Variants in TENM1 observed in about 807,000 individuals in gnomAD.
The protein encoded by TENM1 is teneurin transmembrane protein 1.
Under a neutral mutation model 174.8 loss-of-function variants are expected in TENM1, and 35 were observed. That is an observed-to-expected ratio of 0.20 (90% confidence interval 0.15 to 0.27). The LOEUF is 0.27. Ranked by LOEUF, TENM1 falls within the 10% of genes least tolerant of loss-of-function variation. TENM1 has a pLI of 1.00. For synonymous variants in TENM1, 781 were observed against 798.7 expected (o/e 0.98, Z 0.37); for missense variants, 1,633 against 2,130.1 (o/e 0.77, Z 4.59).
At chrX:125,010,591 G>C in the TENM1 span, among the ~76,000 whole-genome samples, 1 of 109,346 alleles carries the variant, frequency 9.1e-6, no homozygotes, top group African/African-American at 3.3e-5. Flanking sequence ...GAGACGGGCG[G>C]ATCATGAGGT....
At chrX:124,525,902 T>C (rs1295509815) in intron 16 of TENM1, among the ~76,000 whole-genome samples, 3 of 112,479 alleles carry the variant, frequency 2.7e-5, no homozygotes, top group Non-Finnish European at 5.6e-5. Context: ...ACATTTCTTC[T>C]CAAATCAGAT....
At chrX:125,093,062 G>C in the TENM1 span, among the ~76,000 whole-genome samples, 85 of 111,938 alleles carry the variant, frequency 7.6e-4, no homozygotes, top group Non-Finnish European at 1.4e-3. Flanking sequence ...AGTGTATTCT[G>C]TATGGAATGG....
chrX:125,030,168 G>A, the TENM1 span, among the ~76,000 whole-genome samples: 1 of 112,023 alleles, frequency 8.9e-6, no homozygotes, highest in East Asian at 2.8e-4. Context: ...GCAGTATGAA[G>A]TCTTATTACT....
intron 23 of TENM1, among the ~76,000 whole-genome samples, chrX:124,436,938 T>TTTC (rs1491064808): frequency 1.5e-3 from 2 of 1,299 alleles, no homozygotes; most frequent in Non-Finnish European, 5.8e-3. Context: ...GACTGCATCT[T>TTTC]TTTTTTTTTT....
chrX:125,068,049 G>C, the TENM1 span, among the ~76,000 whole-genome samples: 1 of 111,907 alleles, frequency 8.9e-6, no homozygotes, highest in Admixed American at 9.5e-5. Context: ...TGAGCAAAGA[G>C]AGACAAACTA....
chrX:125,102,877 C>G, the TENM1 span, among the ~76,000 whole-genome samples: 1 of 112,001 alleles, frequency 8.9e-6, no homozygotes, highest in Middle Eastern at 4.6e-3. Context: ...AATGTCCCAT[C>G]TCAGTACCCA....
At chrX:125,135,918 A>G in the TENM1 span, among the ~76,000 whole-genome samples, 1 of 111,750 alleles carries the variant, frequency 8.9e-6, no homozygotes, top group Non-Finnish European at 1.9e-5. Flanking sequence ...TATGTGTCCT[A>G]ATTTTTGGTT....
chrX:124,843,173 C>A (rs1224403713), intron 3 of TENM1, among the ~76,000 whole-genome samples: 1 of 111,751 alleles, frequency 8.9e-6, no homozygotes, highest in African/African-American at 3.3e-5. Flanking sequence ...ATTGGCACAT[C>A]ACCCATGTTT....
chrX:124,604,947 T>C (rs2843522), intron 11 of TENM1, among the ~76,000 whole-genome samples: 24,136 of 106,614 alleles, frequency 0.23, 2,112 homozygotes, highest in South Asian at 0.41. Flanking sequence ...TTTTTTTCTC[T>C]CTCCTCTCCC....
At chrX:124,766,444 T>C (rs1218944769) in intron 3 of TENM1, among the ~76,000 whole-genome samples, 1 of 111,703 alleles carries the variant, frequency 9.0e-6, no homozygotes, top group African/African-American at 3.2e-5. Context: ...CAGTTTTGTA[T>C]ATTATGATGC....
At chrX:124,902,220 G>A (rs912993679) in intron 1 of TENM1, among the ~76,000 whole-genome samples, 1 of 112,057 alleles carries the variant, frequency 8.9e-6, no homozygotes, top group African/African-American at 3.2e-5. Flanking sequence ...AGAGTTAGTA[G>A]TTTCATGAAT....
intron 3 of TENM1, among the ~76,000 whole-genome samples, chrX:124,860,916 C>A (rs112033756): frequency 3.6e-5 from 4 of 111,581 alleles, no homozygotes; most frequent in African/African-American, 9.7e-5. Flanking sequence ...TAGTTCTAGG[C>A]AGCTGCTTAG....
chrX:124,765,843 A>G (rs1439920646), intron 3 of TENM1, among the ~76,000 whole-genome samples: 1 of 112,078 alleles, frequency 8.9e-6, no homozygotes, highest in Non-Finnish European at 1.9e-5. Context: ...CATACACTCT[A>G]CTTGAACTTA....
chrX:124,770,702 C>T (rs377120556), intron 3 of TENM1, among the ~76,000 whole-genome samples: 1 of 110,304 alleles, frequency 9.1e-6, no homozygotes, highest in African/African-American at 3.3e-5. Flanking sequence ...AACCACTGCA[C>T]CCAGACCATT....
chrX:125,042,643 C>T, the TENM1 span, among the ~76,000 whole-genome samples: 42 of 111,223 alleles, frequency 3.8e-4, no homozygotes, highest in Non-Finnish European at 7.6e-4. Flanking sequence ...GGAATTTCAG[C>T]CACCAGAGTG....
At chrX:125,001,317 T>G in the TENM1 span, among the ~76,000 whole-genome samples, 1 of 111,202 alleles carries the variant, frequency 9.0e-6, no homozygotes, top group South Asian at 3.8e-4. Flanking sequence ...GGGCCTCCAC[T>G]TGGTTGACTG....
intron 3 of TENM1, among the ~76,000 whole-genome samples, chrX:124,802,594 C>T (rs774398060): frequency 1.1e-3 from 128 of 111,431 alleles, no homozygotes; most frequent in African/African-American, 4.1e-3. Flanking sequence ...CCACACTGTT[C>T]TTCTTTCCTC....
chrX:124,989,839 A>G, the TENM1 span, among the ~76,000 whole-genome samples: 6 of 111,442 alleles, frequency 5.4e-5, no homozygotes, highest in Admixed American at 4.8e-4. Flanking sequence ...TTTCTGGTGT[A>G]TACTTTGTGT....
chrX:124,632,109 C>T (rs1217426424), intron 11 of TENM1, among the ~76,000 whole-genome samples: 1 of 107,910 alleles, frequency 9.3e-6, no homozygotes. Flanking sequence ...GACAGGGTTT[C>T]ACCATGTTGG....
Sources: allele counts gnomAD v4.1 joint callset (sites outside exome capture counted in the v4.1 genomes callset), GRCh38; gene constraint gnomAD v4.1.1; transcripts MANE v1.5; gene names NCBI Gene and HGNC (gene_info 2026-07-23, HGNC 2026-07-21).